Variants in FRYL observed in about 807,000 individuals in gnomAD.
FRYL encodes protein furry homolog-like.
In FRYL, 150 loss-of-function variants were observed where a neutral mutation model predicts 351.2. The observed-to-expected ratio is 0.43, with a 90% CI of 0.37 to 0.49. The LOEUF (loss-of-function observed/expected upper bound fraction) is 0.49. Among genes scored for constraint, FRYL ranks in the 20% least tolerant of loss-of-function variants. The pLI, the probability that FRYL is intolerant of heterozygous loss-of-function variation, is 0.00. For synonymous variants in FRYL, 1,153 were observed against 1,257.1 expected (o/e 0.92, Z 1.75); for missense variants, 3,036 against 3,619.3 (o/e 0.84, Z 4.13).
chr4:48,644,676 AAAAC>A (rs911918462), intron 3 of FRYL, among the ~76,000 whole-genome samples: 204 of 152,028 alleles, frequency 1.3e-3, no homozygotes, highest in African/African-American at 3.9e-3. Context: ...CTGACTGGAT[AAAAC>A]AAACAAACAA....
rs1208691528 is a variant in FRYL, at chr4:48,565,756, CAT to C, written c.3170-67_3170-66del. Reference sequence around the variant, plus strand: ...CTTTTTGCTTTAACTTTTATACCAACATGTTATTGAATGTGTAATAGTGTAAA... The same window carrying C: ...CTTTTTGCTTTAACTTTTATACCAACGTTATTGAATGTGTAATAGTGTAAA... On this transcript the variant is annotated intron_variant, in intron 28 of 63. Transcript: ENST00000358350. 108 of 1,466,574 alleles carry C rather than the reference CAT, an allele frequency of 7.4e-5. 1 individual carries two copies. Among genetic ancestry groups the C allele is most frequent in the Non-Finnish European group, 9.3e-5 (99 of 1,069,256 alleles). 90.8% of individuals were successfully genotyped at this position (1,466,574 alleles called of 1,614,324 possible). A position where few individuals can be genotyped will look rare whatever the true frequency, so the allele number is the denominator to read the frequency against.
chr4:48,656,160 TTATACATTATATAATGTATAGTTATA>T (rs1401919845), intron 3 of FRYL, among the ~76,000 whole-genome samples: 1 of 135,312 alleles, frequency 7.4e-6, no homozygotes, highest in Admixed American at 7.9e-5. Context: ...ACGTATATAA[TTATACATTATATAATGTATAGTTATA>T]TATACATTAT....
chr4:48,762,977 G>A (rs2109377920), intron 1 of FRYL, among the ~76,000 whole-genome samples: 1 of 151,978 alleles, frequency 6.6e-6, no homozygotes, highest in Admixed American at 6.6e-5. Flanking sequence ...CTATTCTCCA[G>A]GGAAAGCTAG....
Position 48,620,747 on chromosome 4 carries a change from T to C in FRYL, c.206A>G (p.His69Arg). Reference protein sequence around the residue: ...LISSMSSVAEHCLPSLLRTLF... With the variant: ...LISSMSSVAERCLPSLLRTLF... ...GGTGCGAAGTAAGGAAGGGAGACAG[T>C]GCTCTGCTACTGAGCTCATAGAGCT... The change falls in exon 6 of 64, where the codon CAC (histidine) becomes CGC (arginine). Residue 69 changes from histidine to arginine, a missense_variant. By Grantham distance (29) the His-to-Arg change is conservative (BLOSUM62 0). This residue lies in a region of FRYL where 457 missense variants were observed against 566.6 expected (regional missense o/e 0.81). Transcript: ENST00000358350. 6.2e-7 allele frequency: 1 copy of C among 1,613,940 alleles called. No homozygotes were observed. The highest frequency in any genetic ancestry group is 8.5e-7 in the Non-Finnish European group (1 of 1,179,838).
chr4:48,505,605 T>A lies in FRYL; in HGVS notation c.8405A>T (p.Asp2802Val), dbSNP rs1461329643. ...KREAAEQWLD[D>V]CKRTFGAKED... ...TTTGGCACCAAATGTCCTCTTACAA[T>A]CATCTAGCCACTAAAAATAAGTAAC... is the stretch of plus-strand genomic sequence containing the variant. Residue 2802 changes from aspartate (D) to valine (V), a missense_variant, in exon 60 of 64, where the codon GAT becomes GTT. Coordinates refer to ENST00000358350, the MANE Select transcript of FRYL (RefSeq NM_015030.2). 1.2e-6 allele frequency: 2 copies of A among 1,604,794 alleles called. No homozygotes were observed. The highest frequency in any genetic ancestry group is 1.7e-6 in the Non-Finnish European group (2 of 1,172,864).
At chr4:48,721,905 G>C (rs1769512409) in intron 1 of FRYL, among the ~76,000 whole-genome samples, 1 of 152,164 alleles carries the variant, frequency 6.6e-6, no homozygotes. Flanking sequence ...CTCCCAAAGT[G>C]CTGGGATTAC....
intron 21 of FRYL, 102 bp from the exon 22 acceptor site, chr4:48,581,053 T>C: frequency 1.4e-6 from 1 of 699,462 alleles, no homozygotes. Flanking sequence ...TATTTTTTTT[T>C]TTTTTTTTTT....
At chr4:48,652,176 T>A (rs1459741309) in intron 3 of FRYL, among the ~76,000 whole-genome samples, 1 of 152,222 alleles carries the variant, frequency 6.6e-6, no homozygotes, top group Non-Finnish European at 1.5e-5. Flanking sequence ...TAAATGGCCA[T>A]AAAACAGGAT....
At chr4:48,543,685 C>T (rs1730719078) in intron 44 of FRYL, 122 bp downstream of exon 44, 3 of 787,382 alleles carry the variant, frequency 3.8e-6, no homozygotes, top group African/African-American at 1.7e-5. Flanking sequence ...TTTGCCTGCT[C>T]AACATCTGAC....
intron 42 of FRYL, 97 bp from the exon 43 acceptor site, chr4:48,545,001 G>GTGTA: frequency 7.9e-7 from 1 of 1,264,036 alleles, no homozygotes; most frequent in Non-Finnish European, 1.1e-6. Flanking sequence ...AATTAGAAAG[G>GTGTA]ATGGTAGTTG....
In FRYL at chr4:48,564,063, C is replaced by G. The variant is rs749343383; in HGVS notation, c.3481G>C (p.Glu1161Gln). ...AGGTTGCTCTGATCAGGGTTCAGCT[C>G]CAGTAACAACGTAACTGCTTCACAG... Reference protein sequence around the residue: ...LGCEAVTLLLELNPDQSNLMY... With the variant: ...LGCEAVTLLLQLNPDQSNLMY... The change falls in exon 31 of 64, where the codon GAG becomes CAG. Residue 1161 changes from glutamate to glutamine, a missense_variant. Physicochemically the swap from Glu to Gln is conservative, Grantham distance 29 (BLOSUM62 2). Transcript: ENST00000358350. 6.2e-7 allele frequency: 1 copy of G among 1,614,136 alleles called. No individual in the cohort carries two copies. Among genetic ancestry groups the G allele is most frequent in the East Asian group, 2.2e-5 (1 of 44,886 alleles).
chr4:48,527,928 C>T, intron 52 of FRYL, 43 bp downstream of exon 52: 1 of 1,377,554 alleles, frequency 7.3e-7, no homozygotes, highest in Non-Finnish European at 9.9e-7. Flanking sequence ...CAAGGAATAA[C>T]ATGATCTTTA....
rs371311673 is a variant in FRYL, at chr4:48,561,614, C to T, written c.3719G>A (p.Arg1240His). The change falls in exon 33 of 64, where the codon CGC becomes CAC. Residue 1240 changes from arginine to histidine, a missense_variant. This residue lies in a region of FRYL where 1,987 missense variants were observed against 2,311.7 expected (regional missense o/e 0.86). Transcript: ENST00000358350. ...CTGAACCTCCAATTTGTGAGCATAG[C>T]GAAACATCTTCGGTTCCAGAATCTA... Reference protein sequence around the residue: ...LLQILEPKMFRYAHKLEVQRT... With the variant: ...LLQILEPKMFHYAHKLEVQRT... The T allele has an allele frequency of 2.3e-5, 37 of 1,610,190 alleles. No individual in the cohort carries two copies. Among genetic ancestry groups the T allele is most frequent in the African/African-American group, 1.7e-4 (13 of 74,866 alleles).
intron 4 of FRYL, among the ~76,000 whole-genome samples, chr4:48,632,098 A>ATATATATATATATATATATG (rs1753232837): frequency 4.7e-4 from 10 of 21,502 alleles, no homozygotes; most frequent in Non-Finnish European, 9.7e-4. Context: ...AAAAATATAT[A>ATATATATATATATATATATG]TATATATATA....
At position 48,576,145 on chromosome 4, in the gene FRYL, A is replaced by T. The variant is rs564300841; in HGVS notation, c.2606T>A (p.Ile869Asn). ...SYIGLWRNYL[I>N]LCCSAATSSS... ...CGATGTTGCTGCACTGCAGCAAAGG[A>T]TCAGATAGTTTCTCCACAGGCCAAT... is the stretch of plus-strand genomic sequence containing the variant. The change falls in exon 24 of 64, where the codon ATC becomes AAC. Residue 869 changes from isoleucine to asparagine, a missense_variant. Physicochemically the swap from Ile to Asn is moderately radical, Grantham distance 149. Coordinates refer to ENST00000358350, the MANE Select transcript of FRYL (RefSeq NM_015030.2). 1 of 1,613,916 alleles carries T rather than the reference A, an allele frequency of 6.2e-7. No individual in the cohort carries two copies. Among genetic ancestry groups the T allele is most frequent in the Non-Finnish European group, 8.5e-7 (1 of 1,179,912 alleles).
Position 48,544,909 on chromosome 4 carries a change from A to C in FRYL, c.5280-5T>G, listed in dbSNP as rs1939114267. The C allele has an allele frequency of 6.3e-7, 1 of 1,595,104 alleles. No individual in the cohort carries two copies. The highest frequency in any genetic ancestry group is 8.5e-7 in the Non-Finnish European group (1 of 1,174,614). On this transcript the variant is annotated splice_region_variant and splice_polypyrimidine_tract_variant and intron_variant, in intron 42 of 63. Transcript: ENST00000358350. Reference sequence around the variant, plus strand: ...TTCCAAAGGGGCCCTCTTTTTCTGAAAACAGAGAACAGATGTAATTTCCTT... The same window carrying C: ...TTCCAAAGGGGCCCTCTTTTTCTGACAACAGAGAACAGATGTAATTTCCTT...
chr4:48,585,006 C>G (rs1741789590), intron 19 of FRYL, among the ~76,000 whole-genome samples: 1 of 152,154 alleles, frequency 6.6e-6, no homozygotes, highest in Non-Finnish European at 1.5e-5. Flanking sequence ...GCTGTCTGCT[C>G]TTTTACTAGG....
chr4:48,574,019 A>G (rs1738984634), intron 25 of FRYL, among the ~76,000 whole-genome samples: 1 of 152,134 alleles, frequency 6.6e-6, no homozygotes, highest in Admixed American at 6.5e-5. Flanking sequence ...TCTGTGAACA[A>G]CTTTGTACAT....
chr4:48,731,597 T>C (rs1382647191), intron 1 of FRYL, among the ~76,000 whole-genome samples: 5 of 152,046 alleles, frequency 3.3e-5, no homozygotes, highest in Admixed American at 6.6e-5. Flanking sequence ...TATAGACCAA[T>C]GGAACAGAAC....
Sources: allele counts gnomAD v4.1 joint callset (sites outside exome capture counted in the v4.1 genomes callset), GRCh38; gene constraint gnomAD v4.1.1; regional missense constraint gnomAD v4.1.1; transcripts MANE v1.5; gene names NCBI Gene and HGNC (gene_info 2026-07-23, HGNC 2026-07-21).